Variants in CPNE4 observed in about 807,000 individuals in gnomAD.
CPNE4 encodes the protein copine-4.
In CPNE4, 25 loss-of-function variants were observed where a neutral mutation model predicts 67.9. The observed-to-expected ratio is 0.37, with a 90% CI of 0.27 to 0.51. The LOEUF is 0.51. Ranked by LOEUF, CPNE4 falls within the 20% of genes least tolerant of loss-of-function variation. CPNE4 has a pLI of 0.93. For missense variants in CPNE4, 464 were observed against 690.8 expected (o/e 0.67, Z 3.68); for synonymous variants, 242 against 244.9 (o/e 0.99, Z 0.11).
chr3:131,850,514 T>A (rs2086199595), intron 2 of CPNE4, among the ~76,000 whole-genome samples: 1 of 152,138 alleles, frequency 6.6e-6, no homozygotes, highest in African/African-American at 2.4e-5. Context: ...GTAGAAGATC[T>A]CAATAAATGC....
intron 7 of CPNE4, among the ~76,000 whole-genome samples, chr3:131,647,167 C>G (rs1285129577): frequency 2.0e-5 from 3 of 152,140 alleles, no homozygotes; most frequent in Admixed American, 1.3e-4. Flanking sequence ...AAAGACGGAG[C>G]CTGAGAAATG....
At chr3:131,586,884 T>G (rs554560298) in intron 8 of CPNE4, among the ~76,000 whole-genome samples, 9 of 152,172 alleles carry the variant, frequency 5.9e-5, no homozygotes, top group African/African-American at 2.2e-4. Context: ...TGTGTACAGG[T>G]CTTGGCATCA....
At chr3:131,854,699 AG>A (rs1256530903) in intron 2 of CPNE4, among the ~76,000 whole-genome samples, 2 of 151,724 alleles carry the variant, frequency 1.3e-5, no homozygotes, top group African/African-American at 4.8e-5. Flanking sequence ...CTTTAGGCAG[AG>A]GGTGTGTGTC....
chr3:131,845,825 G>A (rs2085975670), intron 2 of CPNE4, among the ~76,000 whole-genome samples: 1 of 152,180 alleles, frequency 6.6e-6, no homozygotes, highest in African/African-American at 2.4e-5. Context: ...AGTATTTAAT[G>A]TGGCAGAGAT....
At chr3:131,934,462 A>G (rs1418480319) in intron 1 of CPNE4, among the ~76,000 whole-genome samples, 2 of 152,224 alleles carry the variant, frequency 1.3e-5, no homozygotes, top group African/African-American at 4.8e-5. Flanking sequence ...TGTACAGAAC[A>G]TGCAGGTTTG....
intron 7 of CPNE4, among the ~76,000 whole-genome samples, chr3:131,608,145 A>C (rs952096026): frequency 5.3e-5 from 8 of 152,180 alleles, no homozygotes; most frequent in Non-Finnish European, 8.8e-5. Flanking sequence ...TTTTTCATTC[A>C]ATTAATGCTA....
chr3:131,841,092 C>T (rs2085764314), intron 2 of CPNE4, among the ~76,000 whole-genome samples: 6 of 152,146 alleles, frequency 3.9e-5, no homozygotes, highest in Admixed American at 3.3e-4. Context: ...ACCATCAAGC[C>T]ACTTCAGGAA....
intron 1 of CPNE4, among the ~76,000 whole-genome samples, chr3:131,975,461 C>T (rs1311295277): frequency 6.6e-6 from 1 of 152,204 alleles, no homozygotes; most frequent in African/African-American, 2.4e-5. Flanking sequence ...TCTCCCATTG[C>T]TATCAGCCTA....
chr3:131,636,935 C>T (rs540707309), intron 7 of CPNE4, among the ~76,000 whole-genome samples: 1 of 152,268 alleles, frequency 6.6e-6, no homozygotes, highest in South Asian at 2.1e-4. Context: ...CCCAGAAAAG[C>T]ATAAACAATC....
intron 6 of CPNE4, among the ~76,000 whole-genome samples, chr3:131,671,921 C>T (rs1313525965): frequency 6.6e-6 from 1 of 151,988 alleles, no homozygotes; most frequent in Non-Finnish European, 1.5e-5. Context: ...TTCATTCTAA[C>T]TAGATATTTT....
chr3:131,785,145 C>T (rs556119612), intron 2 of CPNE4, among the ~76,000 whole-genome samples: 14 of 152,218 alleles, frequency 9.2e-5, no homozygotes, highest in Admixed American at 2.6e-4. Flanking sequence ...GACATGGCTC[C>T]TTTGCTTAAA....
At chr3:131,921,475 G>C (rs1039451103) in intron 1 of CPNE4, among the ~76,000 whole-genome samples, 1 of 152,170 alleles carries the variant, frequency 6.6e-6, no homozygotes, top group Non-Finnish European at 1.5e-5. Flanking sequence ...CGTGGTCACT[G>C]CCTTTGAAAA....
chr3:131,926,362 T>C (rs1284107406), intron 1 of CPNE4, among the ~76,000 whole-genome samples: 1 of 152,152 alleles, frequency 6.6e-6, no homozygotes, highest in Non-Finnish European at 1.5e-5. Flanking sequence ...GCGGAATTAC[T>C]AGAACCGACA....
At chr3:131,771,012 G>T (rs779823093) in intron 2 of CPNE4, among the ~76,000 whole-genome samples, 61 of 152,268 alleles carry the variant, frequency 4.0e-4, no homozygotes, top group Non-Finnish European at 7.6e-4. Context: ...AGCAGTGTCT[G>T]ATGACCATGA....
chr3:131,862,085 T>C (rs1445456207), intron 2 of CPNE4, among the ~76,000 whole-genome samples: 1 of 152,198 alleles, frequency 6.6e-6, no homozygotes, highest in African/African-American at 2.4e-5. Flanking sequence ...TTATTCTATA[T>C]CCTTTCTTTG....
intron 7 of CPNE4, among the ~76,000 whole-genome samples, chr3:131,618,766 T>C (rs1051718504): frequency 6.6e-6 from 1 of 152,082 alleles, no homozygotes; most frequent in African/African-American, 2.4e-5. Context: ...GCATACACTG[T>C]TGAGGTGGGA....
intron 1 of CPNE4, among the ~76,000 whole-genome samples, chr3:131,964,915 A>G (rs1242269190): frequency 6.6e-6 from 1 of 152,184 alleles, no homozygotes; most frequent in East Asian, 1.9e-4. Flanking sequence ...CCCAAGGCAC[A>G]TAATCATCAG....
At chr3:131,922,314 A>T (rs940256070) in intron 1 of CPNE4, among the ~76,000 whole-genome samples, 1 of 152,176 alleles carries the variant, frequency 6.6e-6, no homozygotes, top group African/African-American at 2.4e-5. Context: ...TCTTTATCCA[A>T]TCCGCTGTTG....
intron 2 of CPNE4, among the ~76,000 whole-genome samples, chr3:131,891,421 T>C (rs1583411855): frequency 8.5e-6 from 1 of 117,910 alleles, no homozygotes; most frequent in South Asian, 2.6e-4. Flanking sequence ...AAGCTACGAG[T>C]TTTTTTTTTA....
Sources: gnomAD v4.1 joint callset for allele counts (sites outside exome capture counted in the v4.1 genomes callset) on GRCh38, gnomAD v4.1.1 for gene constraint, MANE v1.5 for transcripts, NCBI Gene and HGNC (gene_info 2026-07-23, HGNC 2026-07-21) for gene names.